Variants in TMEM101 observed in about 807,000 individuals in gnomAD.
TMEM101 encodes the protein transmembrane protein 101, also known as putative NF-kappa-B-activating protein 130.
A neutral mutation model predicts 26.0 loss-of-function variants in TMEM101; 14 were observed. That is an observed-to-expected ratio of 0.54 (90% CI 0.36 to 0.84). The LOEUF is 0.84. Ranked by LOEUF, TMEM101 falls within the 40% of genes least tolerant of loss-of-function variation. The pLI is 0.01. For missense variants in TMEM101, 292 were observed against 345.1 expected (o/e 0.85, Z 1.22); for synonymous variants, 152 against 145.1 (o/e 1.05, Z -0.34).
chr17:44,020,365 GTTTT>G (rs1231283443), intron 2 of TMEM101, among the ~76,000 whole-genome samples: 1 of 152,206 alleles, frequency 6.6e-6, no homozygotes, highest in Non-Finnish European at 1.5e-5. Context: ...AAGGTGCTGT[GTTTT>G]GTTTGGGCAA....
At position 44,014,548 on chromosome 17, in the gene TMEM101, G is replaced by A. The variant is rs1315253678; in HGVS notation, c.138-11C>T. ...GGGATGTCGGGCTTCCTGCGAGCCGGGAGTGGGGAAGCAACGAGGACAGAA... is the reference window on the plus strand; with the variant it reads ...GGGATGTCGGGCTTCCTGCGAGCCGAGAGTGGGGAAGCAACGAGGACAGAA... On this transcript the variant is annotated splice_polypyrimidine_tract_variant and intron_variant, in intron 1 of 3. Transcript: ENST00000206380. 4 of 1,568,634 alleles carry A rather than the reference G, an allele frequency of 2.5e-6. No homozygotes were observed. The South Asian group carries it at 4.6e-5, about 18-fold the overall frequency.
chr17:44,020,755 T>C (rs1443718427), intron 2 of TMEM101, among the ~76,000 whole-genome samples: 1 of 152,130 alleles, frequency 6.6e-6, no homozygotes, highest in African/African-American at 2.4e-5. Flanking sequence ...GTTATCCCAC[T>C]CCCATTGGTA....
intron 3 of TMEM101, chr17:44,012,613 G>A (rs546845982): frequency 2.5e-6 from 1 of 400,208 alleles, no homozygotes; most frequent in Non-Finnish European, 4.4e-6. Context: ...TAGCACCAGG[G>A]AGAACCATAA....
chr17:44,013,844 C>T (rs1365376738), intron 2 of TMEM101, among the ~76,000 whole-genome samples: 1 of 152,166 alleles, frequency 6.6e-6, no homozygotes, highest in Non-Finnish European at 1.5e-5. Context: ...TAGCTGTTCA[C>T]ACATCTTCCT....
At chr17:44,019,548 ATAAC>A (rs2049266997), upstream of TMEM101, 1 of 168,342 alleles carries the variant, frequency 5.9e-6, no homozygotes, top group Non-Finnish European at 1.3e-5. Context: ...TTGTTTTTCA[ATAAC>A]TAACATATAG....
At chr17:44,018,745 G>A (rs1325311048), upstream of TMEM101, among the ~76,000 whole-genome samples, 1 of 152,154 alleles carries the variant, frequency 6.6e-6, no homozygotes, top group East Asian at 1.9e-4. Context: ...TTCCAATCAA[G>A]TCTCCAGCAG....
At chr17:44,022,380 C>T (rs1344183267) in intron 1 of TMEM101, among the ~76,000 whole-genome samples, 6 of 152,200 alleles carry the variant, frequency 3.9e-5, no homozygotes, top group Non-Finnish European at 1.5e-5. Context: ...ACTGACTGGG[C>T]CACTCAAACA....
upstream of TMEM101, among the ~76,000 whole-genome samples, chr17:44,017,764 C>CA (rs57754322): frequency 0.45 from 56,689 of 125,832 alleles, 13,373 homozygotes; most frequent in Middle Eastern, 0.6. Context: ...ACTCTTGTCT[C>CA]AAAAAAAAAA....
chr17:44,016,408 C>T (rs1331603125), upstream of TMEM101, among the ~76,000 whole-genome samples: 1 of 152,052 alleles, frequency 6.6e-6, no homozygotes, highest in Non-Finnish European at 1.5e-5. Context: ...TAACCTCAAG[C>T]GATCCAACCG....
chr17:44,017,098 C>T (rs181646900), upstream of TMEM101, among the ~76,000 whole-genome samples: 6 of 150,506 alleles, frequency 4.0e-5, no homozygotes, highest in Middle Eastern at 3.5e-3. Flanking sequence ...TTGCAGTGAG[C>T]CGAGATCACG....
At chr17:44,014,745 C>A in intron 1 of TMEM101, 71 bp downstream of exon 1, 1 of 1,516,484 alleles carries the variant, frequency 6.6e-7, no homozygotes, top group Non-Finnish European at 8.8e-7. Flanking sequence ...AGGGTCCCGA[C>A]TTCTAGCCCC....
At chr17:44,017,137 TGAGA>T (rs1282012623), upstream of TMEM101, among the ~76,000 whole-genome samples, 5 of 121,898 alleles carry the variant, frequency 4.1e-5, no homozygotes, top group African/African-American at 1.5e-4. Context: ...GGCGACAGAT[TGAGA>T]GACTCTGTCT....
At chr17:44,017,240 A>T (rs2049242082), upstream of TMEM101, among the ~76,000 whole-genome samples, 1 of 151,386 alleles carries the variant, frequency 6.6e-6, no homozygotes, top group African/African-American at 2.4e-5. Context: ...GGGGGGTTGG[A>T]TCACCTGAGG....
intron 3 of TMEM101, chr17:44,012,553 G>A: frequency 2.5e-6 from 1 of 405,700 alleles, no homozygotes; most frequent in Non-Finnish European, 4.4e-6. Flanking sequence ...ATTAAGATAA[G>A]ACCTAATGGC....
Position 44,023,009 on chromosome 17 carries a change from G to A in TMEM101, c.-324+30C>T, listed in dbSNP as rs531451505. ...GCAAATTGCAATAGGAAGGGGAGAA[G>A]GGAAAAGAGATATATATATTTACAC... On this transcript the variant is annotated intron_variant, in intron 1 of 4. Transcript: ENST00000585950. The A allele has an allele frequency of 8.0e-4, 194 of 243,532 alleles. 3 individuals carry two copies. The highest frequency in any genetic ancestry group is 7.2e-3 in the South Asian group (187 of 25,940). 15.1% of individuals were successfully genotyped at this position (243,532 alleles called of 1,614,324 possible).
At position 44,012,114 on chromosome 17, in the gene TMEM101, T is replaced by C. The variant is rs990471163; in HGVS notation, c.588A>G (p.Ser196=). ...LYGILALAFL[S]GYYVTLAAQI... is the part of the protein sequence containing the mutation. ...GGGCAGCGAGGGTCACGTAGTAGCC[T>C]GACAGAAAGGCCAGGGCCAGGATGC... The change falls in exon 4 of 4, where the codon TCA becomes TCG. Residue 196 remains serine, a synonymous_variant. Coordinates refer to ENST00000206380, the MANE Select transcript of TMEM101 (RefSeq NM_032376.4). 1 of 1,614,206 alleles carries C rather than the reference T, an allele frequency of 6.2e-7. No homozygotes were observed. Among genetic ancestry groups the C allele is most frequent in the Non-Finnish European group, 8.5e-7 (1 of 1,180,030 alleles).
Position 44,022,037 on chromosome 17 carries a change from CTT to C in TMEM101, c.-323-604_-323-603del, listed in dbSNP as rs550311170. 1.0e-3 allele frequency among the ~76,000 whole-genome samples: 156 copies of C among 152,314 alleles called. 1 individual carries two copies. The highest frequency in any genetic ancestry group is 2.0e-3 in the Admixed American group (31 of 15,294). ...TTAGCTTGTTCAAAAGCCATGGTCT[CTT>C]TCTCTCCCCAGTGAAAGTCATAGCG... On this transcript the variant is annotated intron_variant, in intron 1 of 4. Transcript: ENST00000585950.
chr17:44,018,848 CCT>C (rs1381943364), upstream of TMEM101, among the ~76,000 whole-genome samples: 10 of 152,168 alleles, frequency 6.6e-5, no homozygotes, highest in African/African-American at 2.4e-4. Context: ...GGCTGAAGTC[CCT>C]CTCTACCTTT....
Position 44,014,382 on chromosome 17 carries a change from T to C in TMEM101, c.293A>G (p.Tyr98Cys), listed in dbSNP as rs533089572. 22 of 1,554,000 alleles carry C rather than the reference T, an allele frequency of 1.4e-5. 1 individual carries two copies. The South Asian group carries it at 2.6e-4, about 18-fold the overall frequency. Residue 98 changes from tyrosine (Y) to cysteine (C), a missense_variant, in exon 2 of 4, where the codon TAC (tyrosine) becomes TGC (cysteine). By Grantham distance (194) the Tyr-to-Cys change is radical. Transcript: ENST00000206380. ...ISTYAAYIGG[Y>C]VHYGDWLKVR... ...CTTCAGCCAGTCCCCGTAGTGGACG[T>C]AGCCCCCGATGTAGGCGGCGTAGGT...
Sources: allele counts gnomAD v4.1 joint callset (sites outside exome capture counted in the v4.1 genomes callset), GRCh38; gene constraint gnomAD v4.1.1; transcripts MANE v1.5; gene names NCBI Gene and HGNC (gene_info 2026-07-23, HGNC 2026-07-21).